Variants in SLC22A17 observed in about 807,000 individuals in gnomAD.
SLC22A17 encodes the protein solute carrier family 22 member 17, also known as 24p3 receptor.
Under a neutral mutation model 53.6 loss-of-function variants are expected in SLC22A17, and 38 were observed. The ratio of observed to expected loss-of-function variants is 0.71; its 90% CI spans 0.55 to 0.93. The LOEUF is 0.93. Among genes scored for constraint, SLC22A17 ranks in the 40% least tolerant of loss-of-function variants. The probability of loss-of-function intolerance (pLI) is 0.00; values close to 1 mark genes in which losing one functional copy is unlikely to be tolerated. For synonymous variants in SLC22A17, 379 were observed against 353.0 expected (o/e 1.07, Z -0.82); for missense variants, 704 against 791.0 (o/e 0.89, Z 1.32).
At chr14:23,349,523 A>C in intron 3 of SLC22A17, 97 bp from the exon 4 acceptor site, 1 of 1,390,704 alleles carries the variant, frequency 7.2e-7, no homozygotes. Context: ...TAGAGGTATG[A>C]GAATGAAGTT....
At position 23,348,229 on chromosome 14, in the gene SLC22A17, C is replaced by T; in HGVS notation, c.1103G>A (p.Arg368Lys). The T allele has an allele frequency of 1.9e-6, 3 of 1,614,138 alleles. No individual in the cohort carries two copies. The highest frequency in any genetic ancestry group is 2.5e-6 in the Non-Finnish European group (3 of 1,180,010). Residue 368 changes from arginine (R) to lysine (K), a missense_variant, in exon 6 of 10, where the codon AGG becomes AAG. Around this residue, in one of 4 missense-constraint regions of SLC22A17, gnomAD observed 435 missense variants for 529.0 expected, o/e 0.82. Transcript: ENST00000397267. The surrounding 1 kb of genome is among the most constrained non-coding windows in gnomAD (Gnocchi z 4.5). The stretch of plus-strand genomic sequence containing the variant: ...GGGCCGGTTTCGCTCAGCCAGGATC[C>T]TCAGCACAGACTGAGCCTCCTCAAT...
intron 3 of SLC22A17, 24 bp downstream of exon 3, chr14:23,351,728 C>T (rs1009698618): frequency 1.2e-6 from 2 of 1,602,836 alleles, no homozygotes; most frequent in Non-Finnish European, 8.5e-7. Flanking sequence ...TTTCTACCAG[C>T]CCTGCCCCCA....
exon 10 of SLC22A17, chr14:23,346,685 T>C (rs1423304580): frequency 2.0e-6 from 3 of 1,526,322 alleles, no homozygotes; most frequent in African/African-American, 2.7e-5. Flanking sequence ...CAGCGGGACG[T>C]GGTCACAGCG....
In SLC22A17 at chr14:23,348,818, C is replaced by G. The variant is rs1250093003; in HGVS notation, c.860-147G>C. ...CAGCCATTGCCTCCCTTGCTAACCT[C>G]TGGGTGGCAAGGACTGGGGAGACTG... On this transcript the variant is annotated intron_variant, in intron 4 of 9. Transcript: ENST00000397267. This position sits in a 1 kb window ranked among gnomAD's most constrained non-coding sequence, Gnocchi z 4.5. 5 of 852,958 alleles carry G rather than the reference C, an allele frequency of 5.9e-6. No homozygotes were observed. The highest frequency in any genetic ancestry group is 1.7e-5 in the African/African-American group (1 of 58,502). The allele number at this position is 852,958 out of a possible 1,614,324, so 52.8% of individuals were successfully genotyped here. A position where few individuals can be genotyped will look rare whatever the true frequency, so the allele number is the denominator to read the frequency against.
rs908266730 is a variant in SLC22A17 at position 23,348,995 on chromosome 14, G to A, written c.859+277C>T. 1 of 595,830 alleles carries A rather than the reference G, an allele frequency of 1.7e-6. No individual in the cohort carries two copies. The highest frequency in any genetic ancestry group is 2.0e-5 in the South Asian group (1 of 49,978). 36.9% of individuals were successfully genotyped at this position (595,830 alleles called of 1,614,324 possible). A position where few individuals can be genotyped will look rare whatever the true frequency, so the allele number is the denominator to read the frequency against. ...CCCTTGTCCAAGGTCACACAGCTAG[G>A]GACAATCCTTGTCCCTGGACTTACT... On this transcript the variant is annotated intron_variant, in intron 4 of 9. Coordinates refer to ENST00000397267, the Ensembl canonical transcript of SLC22A17. The surrounding 1 kb of genome is among the most constrained non-coding windows in gnomAD (Gnocchi z 4.5).
intron 2 of SLC22A17, 29 bp downstream of exon 2, chr14:23,351,919 C>A (rs746585584): frequency 6.2e-7 from 1 of 1,611,918 alleles, no homozygotes; most frequent in Non-Finnish European, 8.5e-7. Context: ...TGCCCGCCCC[C>A]AGACCCGCGG....
Position 23,347,423 on chromosome 14 carries a change from C to T in SLC22A17, c.1549+37G>A. 6.2e-7 allele frequency: 1 copy of T among 1,600,906 alleles called. No individual in the cohort carries two copies. Among genetic ancestry groups the T allele is most frequent in the Non-Finnish European group, 8.5e-7 (1 of 1,172,808 alleles). On this transcript the variant is annotated intron_variant, in intron 8 of 9. Coordinates refer to ENST00000397267, the Ensembl canonical transcript of SLC22A17. This position sits in a 1 kb window ranked among gnomAD's most constrained non-coding sequence, Gnocchi z 5.1. Reference sequence around the variant, plus strand: ...GGGTCTGGGGCTTGTCTTGGGAGGCCTGTGCCAGAAGAAATGGCTGTGCCT... The same window carrying T: ...GGGTCTGGGGCTTGTCTTGGGAGGCTTGTGCCAGAAGAAATGGCTGTGCCT...
exon 10 of SLC22A17, chr14:23,346,863 T>A (rs1889231868): frequency 6.5e-7 from 1 of 1,539,074 alleles, no homozygotes; most frequent in Non-Finnish European, 8.7e-7. Context: ...CCATGGCCCA[T>A]GTGGAGGCGC....
rs1889661938 is a variant in SLC22A17 at position 23,352,002 on chromosome 14, G to C, written c.546C>G (p.Leu182=). The C allele has an allele frequency of 5.6e-6, 9 of 1,612,532 alleles. No homozygotes were observed. The East Asian group carries it at 1.8e-4, about 32-fold the overall frequency. The change falls in exon 2 of 10, where the codon CTC becomes CTG. Residue 182 remains leucine, a synonymous_variant. Transcript: ENST00000397267. This position sits in a 1 kb window ranked among gnomAD's most constrained non-coding sequence, Gnocchi z 7.2. ...GAAGGCCATTATAGTCCCAATCCTT[G>C]AGGCAATGGTTGAAGTCCGGCGGGG...
rs1350860231 is a variant in SLC22A17 at position 23,347,564 on chromosome 14, G to A, written c.1445C>T (p.Ser482Phe). Reference sequence around the variant, plus strand: ...GGAAGCAATGCCGGTAAGGGTCATGGAGAGAAGAAGGATGCCCCGGCGGCC... The same window carrying A: ...GGAAGCAATGCCGGTAAGGGTCATGAAGAGAAGAAGGATGCCCCGGCGGCC... Residue 482 changes from serine (S) to phenylalanine (F), a missense_variant, in exon 8 of 10, where the codon TCC becomes TTC. By Grantham distance (155) the Ser-to-Phe change is radical (BLOSUM62 -2). Coordinates refer to ENST00000397267, the Ensembl canonical transcript of SLC22A17. The surrounding 1 kb of genome is among the most constrained non-coding windows in gnomAD (Gnocchi z 5.1). The A allele has an allele frequency of 6.2e-7, 1 of 1,614,064 alleles. No individual in the cohort carries two copies. The highest frequency in any genetic ancestry group is 1.7e-5 in the Admixed American group (1 of 60,016).
In SLC22A17 at chr14:23,347,059, G is replaced by A. The variant is rs549813958; in HGVS notation, c.1661+42C>T. 93 of 1,567,002 alleles carry A rather than the reference G, an allele frequency of 5.9e-5. No homozygotes were observed. The East Asian group carries it at 1.5e-3, about 25-fold the overall frequency. On this transcript the variant is annotated intron_variant, in intron 9 of 9. Coordinates refer to ENST00000397267, the Ensembl canonical transcript of SLC22A17. The surrounding 1 kb of genome is among the most constrained non-coding windows in gnomAD (Gnocchi z 5.1). ...GGGGTGGGGTGGGGGAGCGGGAGGC[G>A]AGGGGGCCCGGCTCTGCCCCTGGGG...
rs779642949 is a variant in SLC22A17, at chr14:23,347,434, G to T, written c.1549+26C>A. On this transcript the variant is annotated intron_variant, in intron 8 of 9. Transcript: ENST00000397267. This position sits in a 1 kb window ranked among gnomAD's most constrained non-coding sequence, Gnocchi z 5.1. The stretch of plus-strand genomic sequence containing the variant: ...TTGTCTTGGGAGGCCTGTGCCAGAA[G>T]AAATGGCTGTGCCTGTCTGAAGCAC... 1 of 1,606,878 alleles carries T rather than the reference G, an allele frequency of 6.2e-7. No individual in the cohort carries two copies. Among genetic ancestry groups the T allele is most frequent in the South Asian group, 1.1e-5 (1 of 90,198 alleles).
In SLC22A17 at chr14:23,347,290, C is replaced by T; in HGVS notation, c.1550-78G>A. 6.7e-7 allele frequency: 1 copy of T among 1,485,246 alleles called. No homozygotes were observed. The highest frequency in any genetic ancestry group is 9.2e-7 in the Non-Finnish European group (1 of 1,092,488). 92.0% of individuals were successfully genotyped at this position (1,485,246 alleles called of 1,614,324 possible). A position where few individuals can be genotyped will look rare whatever the true frequency, so the allele number is the denominator to read the frequency against. On this transcript the variant is annotated intron_variant, in intron 8 of 9. Coordinates refer to ENST00000397267, the Ensembl canonical transcript of SLC22A17. This position sits in a 1 kb window ranked among gnomAD's most constrained non-coding sequence, Gnocchi z 5.1. Reference sequence around the variant, plus strand: ...CTAGTCCCGGGTGTCATCCCCTTGGCTCTCTGTTCCCATGGCTCTAGCTGG... The same window carrying T: ...CTAGTCCCGGGTGTCATCCCCTTGGTTCTCTGTTCCCATGGCTCTAGCTGG...
At chr14:23,349,623 T>C (rs879924881) in intron 3 of SLC22A17, 197 bp from the exon 4 acceptor site, 2 of 622,510 alleles carry the variant, frequency 3.2e-6, no homozygotes, top group Non-Finnish European at 5.6e-6. Flanking sequence ...CACTGGGGTG[T>C]GGTTGTGGTT....
In SLC22A17 at chr14:23,348,701, G is replaced by T; in HGVS notation, c.860-30C>A. 1.3e-6 allele frequency: 2 copies of T among 1,580,738 alleles called. No homozygotes were observed. The highest frequency in any genetic ancestry group is 1.7e-6 in the Non-Finnish European group (2 of 1,164,740). ...AGATACAGCAGGGGTGGAGAGAGGA[G>T]AGGGAGGCCAGGGAGGAAGAAGGCA... On this transcript the variant is annotated intron_variant, in intron 4 of 9. Coordinates refer to ENST00000397267, the Ensembl canonical transcript of SLC22A17. The surrounding 1 kb of genome is among the most constrained non-coding windows in gnomAD (Gnocchi z 4.5).
chr14:23,348,697 A>G lies in SLC22A17; in HGVS notation c.860-26T>C. Reference sequence around the variant, plus strand: ...CTGGAGATACAGCAGGGGTGGAGAGAGGAGAGGGAGGCCAGGGAGGAAGAA... The same window carrying G: ...CTGGAGATACAGCAGGGGTGGAGAGGGGAGAGGGAGGCCAGGGAGGAAGAA... On this transcript the variant is annotated intron_variant, in intron 4 of 9. Transcript: ENST00000397267. This position sits in a 1 kb window ranked among gnomAD's most constrained non-coding sequence, Gnocchi z 4.5. 1 of 1,582,788 alleles carries G rather than the reference A, an allele frequency of 6.3e-7. No homozygotes were observed. Among genetic ancestry groups the G allele is most frequent in the Non-Finnish European group, 8.6e-7 (1 of 1,165,632 alleles).
intron 4 of SLC22A17, 80 bp downstream of exon 4, chr14:23,349,192 G>A (rs1353493735): frequency 6.4e-7 from 1 of 1,571,348 alleles, no homozygotes; most frequent in Non-Finnish European, 8.8e-7. Flanking sequence ...TGTGGCCTAG[G>A]GGGCAGTGAG....
At chr14:23,351,524 C>G in intron 3 of SLC22A17, 1 of 522,530 alleles carries the variant, frequency 1.9e-6, no homozygotes, top group Non-Finnish European at 3.4e-6. Context: ...GGGAATGGGA[C>G]TAATAGTCCA....
intron 3 of SLC22A17, chr14:23,349,770 C>G: frequency 3.1e-6 from 1 of 323,060 alleles, no homozygotes; most frequent in African/African-American, 2.1e-5. Context: ...AGGAACAGAG[C>G]TAATGGTCAG....
Sources: gnomAD v4.1 joint callset for allele counts on GRCh38, gnomAD v4.1.1 for gene constraint, gnomAD v4.1.1 regional missense constraint, Gnocchi (gnomAD v3.1) non-coding constraint, MANE v1.5 for transcripts, NCBI Gene and HGNC (gene_info 2026-07-23, HGNC 2026-07-21) for gene names.